CACNB2: variants seen among roughly 807,000 people sequenced by gnomAD.
The protein encoded by CACNB2 is calcium voltage-gated channel auxiliary subunit beta 2.
A neutral mutation model predicts 73.3 loss-of-function variants in CACNB2; 42 were observed. The ratio of observed to expected loss-of-function variants is 0.57; its 90% CI spans 0.45 to 0.74. CACNB2 has a LOEUF of 0.74. Among genes scored for constraint, CACNB2 ranks in the 30% least tolerant of loss-of-function variants. CACNB2 has a pLI of 0.00. For synonymous variants in CACNB2, 348 were observed against 310.3 expected, an observed-to-expected ratio of 1.12 and a Z score of -1.28; for missense variants, 940 against 853.0, an observed-to-expected ratio of 1.10 and a Z score of -1.27.
intron 2 of CACNB2, among the ~76,000 whole-genome samples, chr10:18,185,959 A>T (rs2034129427): frequency 6.6e-6 from 1 of 152,264 alleles, no homozygotes; most frequent in Admixed American, 6.5e-5. Context: ...TAAGGTGATA[A>T]AGAATGGCTG....
intron 2 of CACNB2, among the ~76,000 whole-genome samples, chr10:18,248,398 T>C (rs1020281844): frequency 3.3e-5 from 5 of 152,316 alleles, no homozygotes; most frequent in Admixed American, 3.3e-4. Context: ...ATTGGGCAAA[T>C]ACATTTTTTG....
chr10:18,395,401 G>A (rs905000613), intron 2 of CACNB2, among the ~76,000 whole-genome samples: 1 of 151,644 alleles, frequency 6.6e-6, no homozygotes, highest in East Asian at 1.9e-4. Context: ...TATTATCTCA[G>A]CTTTTTTTCT....
intron 2 of CACNB2, among the ~76,000 whole-genome samples, chr10:18,208,657 C>G (rs182072838): frequency 3.9e-5 from 6 of 151,980 alleles, no homozygotes; most frequent in African/African-American, 1.4e-4. Context: ...ATGAATCTGA[C>G]GTTATTCCTC....
chr10:18,379,310 T>C (rs895657064), intron 2 of CACNB2, among the ~76,000 whole-genome samples: 2 of 152,166 alleles, frequency 1.3e-5, no homozygotes, highest in African/African-American at 4.8e-5. Context: ...CCTCCCAGGT[T>C]CAAGCGATTC....
chr10:18,311,806 C>T (rs564864449), intron 2 of CACNB2, among the ~76,000 whole-genome samples: 76 of 152,170 alleles, frequency 5.0e-4, no homozygotes, highest in Middle Eastern at 3.4e-3. Context: ...CAAGGGTCAA[C>T]GGTAGATGGC....
intron 2 of CACNB2, among the ~76,000 whole-genome samples, chr10:18,223,497 A>AT (rs2131405789): frequency 6.6e-6 from 1 of 152,260 alleles, no homozygotes; most frequent in East Asian, 1.9e-4. Context: ...ATTTTACACG[A>AT]TTTTCAGGAG....
chr10:18,150,879 T>TTATTTTTTTG lies in CACNB2; in HGVS notation c.121-2_121-1insTTTTTTTGTA. 7.9e-7 allele frequency: 1 copy of TTATTTTTTTG among 1,258,816 alleles called. No homozygotes were observed. The highest frequency in any genetic ancestry group is 2.5e-5 in the East Asian group (1 of 39,596). 78.0% of individuals were successfully genotyped at this position (1,258,816 alleles called of 1,614,324 possible). ...TCTTTTTTTTTTTTTTTTTTTTTTT[T>TTATTTTTTTG]TAGTCATATGGAAAAGGAGCCAGAA... On this transcript the variant is annotated splice_polypyrimidine_tract_variant and splice_region_variant and intron_variant, in intron 1 of 13. Coordinates refer to ENST00000324631, the MANE Select transcript of CACNB2 (RefSeq NM_201596.3).
chr10:18,466,046 C>A (rs2047864917), intron 3 of CACNB2, among the ~76,000 whole-genome samples: 1 of 152,128 alleles, frequency 6.6e-6, no homozygotes, highest in South Asian at 2.1e-4. Context: ...CTAAACCTCC[C>A]AAGAGAGTGA....
At chr10:18,189,032 G>T (rs566997914) in intron 2 of CACNB2, among the ~76,000 whole-genome samples, 50 of 152,182 alleles carry the variant, frequency 3.3e-4, no homozygotes, top group African/African-American at 1.2e-3. Flanking sequence ...TGATCATATA[G>T]CTCACTGCAG....
rs547374729 is a variant in CACNB2 at position 18,414,248 on chromosome 10, G to T, written c.333+12205G>T. Among the ~76,000 whole-genome samples, 4 of 152,320 alleles carry T rather than the reference G, an allele frequency of 2.6e-5. No individual in the cohort carries two copies. The South Asian group carries it at 8.3e-4, about 32-fold the overall frequency. On this transcript the variant is annotated intron_variant, in intron 3 of 13. Coordinates refer to ENST00000324631, the MANE Select transcript of CACNB2 (RefSeq NM_201596.3). ...TGCTTTCTGCCTCTTAGTCACATGG[G>T]TGCAGATCTCTGCCTGAGTTATCAA...
intron 3 of CACNB2, among the ~76,000 whole-genome samples, chr10:18,441,173 G>A (rs978685223): frequency 2.0e-5 from 3 of 152,202 alleles, no homozygotes; most frequent in African/African-American, 7.2e-5. Context: ...GGGAGGCCAA[G>A]GAGGGTAGAT....
At chr10:18,454,597 T>G (rs2047180024) in intron 3 of CACNB2, among the ~76,000 whole-genome samples, 1 of 152,248 alleles carries the variant, frequency 6.6e-6, no homozygotes, top group Non-Finnish European at 1.5e-5. Context: ...TTAATATCAA[T>G]CATAGGACCA....
chr10:18,230,605 G>C (rs1160372653), intron 2 of CACNB2, among the ~76,000 whole-genome samples: 1 of 152,088 alleles, frequency 6.6e-6, no homozygotes. Context: ...AAAAACACGA[G>C]TTTTCTCTTG....
intron 2 of CACNB2, among the ~76,000 whole-genome samples, chr10:18,268,621 G>A (rs1297036321): frequency 4.6e-5 from 7 of 152,130 alleles, no homozygotes; most frequent in Admixed American, 3.3e-4. Flanking sequence ...ACCAGTATAC[G>A]AACAGCACAT....
intron 2 of CACNB2, among the ~76,000 whole-genome samples, chr10:18,333,884 T>C (rs886440459): frequency 2.0e-5 from 3 of 152,142 alleles, no homozygotes. Flanking sequence ...TTTTGTCGTC[T>C]CCTGGCAACG....
At chr10:18,485,277 G>C (rs1051022464) in intron 3 of CACNB2, among the ~76,000 whole-genome samples, 19 of 152,136 alleles carry the variant, frequency 1.2e-4, no homozygotes, top group African/African-American at 4.6e-4. Flanking sequence ...AGATGATAGA[G>C]AGAAGTTATA....
intron 2 of CACNB2, among the ~76,000 whole-genome samples, chr10:18,172,983 C>T (rs968924825): frequency 7.2e-5 from 10 of 139,286 alleles, no homozygotes; most frequent in African/African-American, 2.2e-4. Flanking sequence ...TGCAGTGGCA[C>T]GATCTCAGCG....
chr10:18,388,061 C>A (rs919669380), intron 2 of CACNB2, among the ~76,000 whole-genome samples: 2 of 152,104 alleles, frequency 1.3e-5, no homozygotes, highest in African/African-American at 4.8e-5. Flanking sequence ...CTGGCCCAAG[C>A]CATTTCTCAT....
intron 2 of CACNB2, among the ~76,000 whole-genome samples, chr10:18,211,797 C>A (rs912539953): frequency 6.6e-6 from 1 of 151,998 alleles, no homozygotes; most frequent in African/African-American, 2.4e-5. Context: ...TAGAGTATTC[C>A]GTGGCGTGAA....
Sources: gnomAD v4.1 joint callset for allele counts (sites outside exome capture counted in the v4.1 genomes callset) on GRCh38, gnomAD v4.1.1 for gene constraint, MANE v1.5 for transcripts, NCBI Gene and HGNC (gene_info 2026-07-23, HGNC 2026-07-21) for gene names.